Variants in BTN3A2 observed in about 807,000 individuals in gnomAD.
The protein encoded by BTN3A2 is butyrophilin subfamily 3 member A2.
Under a neutral mutation model 37.6 loss-of-function variants are expected in BTN3A2, and 25 were observed. The ratio of observed to expected loss-of-function variants is 0.66; its 90% confidence interval spans 0.48 to 0.93. The LOEUF (loss-of-function observed/expected upper bound fraction) is 0.93, where lower values mean the gene tolerates loss of function less well. Ranked by LOEUF, BTN3A2 falls within the 40% of genes least tolerant of loss-of-function variation. The pLI, the probability that BTN3A2 is intolerant of heterozygous loss-of-function variation, is 0.00. For synonymous variants in BTN3A2, 122 were observed against 159.4 expected (o/e 0.77, Z 1.77); for missense variants, 266 against 410.9 (o/e 0.65, Z 3.05).
intron 5 of BTN3A2, 153 bp from the exon 6 acceptor site, chr6:26,372,744 G>T (rs1561806438): frequency 5.8e-6 from 5 of 855,774 alleles, no homozygotes; most frequent in African/African-American, 5.1e-5. Context: ...CTTATCTATA[G>T]TCCTCTGAGA....
chr6:26,365,429 T>C, intron 1 of BTN3A2, 77 bp downstream of exon 1: 3 of 1,494,484 alleles, frequency 2.0e-6, no homozygotes, highest in Non-Finnish European at 2.7e-6. Context: ...GAGTGGTGAG[T>C]GGGCATGCAG....
chr6:26,376,600 C>A lies in BTN3A2; in HGVS notation c.*838C>A. ...GATGTAATTCTGTATCCAGACATGG[C>A]AAATGCCATCCTCCTTGTTTCTGAG... On this transcript the variant is annotated 3_prime_UTR_variant, in exon 11 of 11. Coordinates refer to ENST00000377708, the MANE Select transcript of BTN3A2 (RefSeq NM_007047.5). 6.9e-7 allele frequency: 1 copy of A among 1,441,250 alleles called. No homozygotes were observed. The highest frequency in any genetic ancestry group is 9.6e-7 in the Non-Finnish European group (1 of 1,045,312). The allele number at this position is 1,441,250 out of a possible 1,614,324, so 89.3% of individuals were successfully genotyped here.
intron 5 of BTN3A2, among the ~76,000 whole-genome samples, chr6:26,372,456 C>A (rs1760209167): frequency 6.6e-6 from 1 of 152,100 alleles, no homozygotes; most frequent in African/African-American, 2.4e-5. Context: ...CATGGGGGAG[C>A]CAGCATTGAA....
At position 26,370,341 on chromosome 6, in the gene BTN3A2, C is replaced by T. The variant is rs146687855; in HGVS notation, c.453C>T (p.His151=). ...LKVAALGSNL[H]VEVKGYEDGG... is the part of the protein sequence containing the mutation. ...CCACAGCACTGGGTTCTAATCTTCA[C>T]GTCGAAGTGAAGGGTTATGAGGATG... The change falls in exon 5 of 11, where the codon CAC becomes CAT. Residue 151 remains histidine, a synonymous_variant. Transcript: ENST00000377708. The T allele has an allele frequency of 1.7e-5, 28 of 1,614,002 alleles. No homozygotes were observed. The highest frequency in any genetic ancestry group is 4.0e-5 in the African/African-American group (3 of 74,894).
At chr6:26,369,438 G>C (rs1184277654) in intron 4 of BTN3A2, among the ~76,000 whole-genome samples, 1 of 152,208 alleles carries the variant, frequency 6.6e-6, no homozygotes, top group Non-Finnish European at 1.5e-5. Flanking sequence ...GTAAGAAGGT[G>C]TTAGAGCAGA....
In BTN3A2 at chr6:26,376,841, C is replaced by T. The variant is rs111568057; in HGVS notation, c.*1079C>T. On this transcript the variant is annotated 3_prime_UTR_variant, in exon 11 of 11. Coordinates refer to ENST00000377708, the MANE Select transcript of BTN3A2 (RefSeq NM_007047.5). ...TTTGGGTCAAAATGACACCGGAGAACGGATACTGGACTATGGGCCTGACTG... is the reference window on the plus strand; with the variant it reads ...TTTGGGTCAAAATGACACCGGAGAATGGATACTGGACTATGGGCCTGACTG... 32,571 of 1,613,802 alleles carry T rather than the reference C, an allele frequency of 0.02. 416 individuals are homozygous for T. The highest frequency in any genetic ancestry group is 0.023 in the Non-Finnish European group (27,577 of 1,179,812).
At chr6:26,365,426 G>T in intron 1 of BTN3A2, 74 bp downstream of exon 1, 1 of 1,500,440 alleles carries the variant, frequency 6.7e-7, no homozygotes, top group South Asian at 1.2e-5. Context: ...TGAGAGTGGT[G>T]AGTGGGCATG....
Position 26,365,199 on chromosome 6 carries a change from A to T in BTN3A2, c.-220A>T. 9.1e-7 allele frequency: 1 copy of T among 1,098,444 alleles called. No individual in the cohort carries two copies. The highest frequency in any genetic ancestry group is 2.4e-5 in the Admixed American group (1 of 42,170). The allele number at this position is 1,098,444 out of a possible 1,614,324, so 68.0% of individuals were successfully genotyped here. On this transcript the variant is annotated 5_prime_UTR_variant, in exon 1 of 11. Transcript: ENST00000377708. ...AAAAAACTAATTCTTCCAAAGAGCG[A>T]CTCTTACTGTTTCTCATGGTGAGAA...
intron 10 of BTN3A2, 97 bp from the exon 11 acceptor site, chr6:26,375,700 G>A: frequency 6.5e-7 from 1 of 1,534,174 alleles, no homozygotes. Context: ...CTATCAGGAA[G>A]ATGAGGAGCT....
At chr6:26,367,057 T>A (rs999792587) in intron 1 of BTN3A2, among the ~76,000 whole-genome samples, 10 of 152,240 alleles carry the variant, frequency 6.6e-5, no homozygotes, top group Non-Finnish European at 1.2e-4. Context: ...TTTCAGGCAT[T>A]TACATATATA....
chr6:26,370,354 G>T lies in BTN3A2; in HGVS notation c.466G>T (p.Gly156Cys), dbSNP rs772651006. Residue 156 changes from glycine (G) to cysteine (C), a missense_variant, in exon 5 of 11, where the codon GGT becomes TGT. Gly to Cys is a radical substitution (Grantham distance 159). This residue lies in a region of BTN3A2 where 204 missense variants were observed against 232.6 expected (regional missense o/e 0.88). Coordinates refer to ENST00000377708, the MANE Select transcript of BTN3A2 (RefSeq NM_007047.5). ...TTCTAATCTTCACGTCGAAGTGAAGGGTTATGAGGATGGAGGGATCCATCT... is the reference window on the plus strand; with the variant it reads ...TTCTAATCTTCACGTCGAAGTGAAGTGTTATGAGGATGGAGGGATCCATCT... Reference protein sequence around the residue: ...LGSNLHVEVKGYEDGGIHLEC... With the variant: ...LGSNLHVEVKCYEDGGIHLEC... The T allele has an allele frequency of 6.2e-7, 1 of 1,614,178 alleles. No individual in the cohort carries two copies. Among genetic ancestry groups the T allele is most frequent in the Non-Finnish European group, 8.5e-7 (1 of 1,180,022 alleles).
chr6:26,370,974 A>G (rs1250477118), intron 5 of BTN3A2, among the ~76,000 whole-genome samples: 3 of 152,150 alleles, frequency 2.0e-5, no homozygotes, highest in Admixed American at 1.3e-4. Context: ...AAACCTAGTA[A>G]AAAGTTTTGG....
rs1360979147 is a variant in BTN3A2, at chr6:26,377,910, G to T, written c.*2148G>T. 1 of 152,688 alleles carries T rather than the reference G, an allele frequency of 6.5e-6. No homozygotes were observed. The highest frequency in any genetic ancestry group is 1.5e-5 in the Non-Finnish European group (1 of 68,428). The allele number at this position is 152,688 out of a possible 1,614,324, so 9.5% of individuals were successfully genotyped here. Reference sequence around the variant, plus strand: ...CAGTTCCCACAGGGCATGTGACTTTGAAAGAGACTAGAGGCCACACTCAGT... The same window carrying T: ...CAGTTCCCACAGGGCATGTGACTTTTAAAGAGACTAGAGGCCACACTCAGT... On this transcript the variant is annotated 3_prime_UTR_variant, in exon 11 of 11. Coordinates refer to ENST00000377708, the MANE Select transcript of BTN3A2 (RefSeq NM_007047.5).
chr6:26,374,622 C>G, intron 9 of BTN3A2, 149 bp from the exon 10 acceptor site: 1 of 998,590 alleles, frequency 1.0e-6, no homozygotes. Context: ...AAGGTGCCAC[C>G]TCTGATCCAT....
intron 10 of BTN3A2, 60 bp downstream of exon 10, chr6:26,374,858 C>T (rs1351726484): frequency 4.8e-6 from 7 of 1,451,942 alleles, no homozygotes; most frequent in Non-Finnish European, 6.6e-6. Flanking sequence ...TTCCTTTTTC[C>T]TTTTTTCTTC....
intron 5 of BTN3A2, 48 bp from the exon 6 acceptor site, chr6:26,372,849 G>A (rs1283179901): frequency 6.2e-7 from 1 of 1,608,014 alleles, no homozygotes; most frequent in Admixed American, 1.7e-5. Flanking sequence ...GCAGGCTGGG[G>A]AGGCTGAGCG....
chr6:26,373,237 CTTTTTTTTTTTT>C (rs750198408), intron 6 of BTN3A2, 27 bp from the exon 7 acceptor site: 248 of 1,352,834 alleles, frequency 1.8e-4, no homozygotes, highest in South Asian at 2.9e-4. Flanking sequence ...AACAGTTCAT[CTTTTTTTTTTTT>C]TTTTTTTTTT....
Position 26,365,264 on chromosome 6 carries a change from G to C in BTN3A2, c.-155G>C, listed in dbSNP as rs1761936378. 11 of 1,504,340 alleles carry C rather than the reference G, an allele frequency of 7.3e-6. No individual in the cohort carries two copies. The highest frequency in any genetic ancestry group is 9.8e-6 in the Non-Finnish European group (11 of 1,119,076). The allele number at this position is 1,504,340 out of a possible 1,614,324, so 93.2% of individuals were successfully genotyped here. On this transcript the variant is annotated 5_prime_UTR_variant, in exon 1 of 11. Transcript: ENST00000377708. ...TCTCTTTTTCCTTTCTTCCGGATGA[G>C]AGGCTAAGCCATAATAGAAAGAATG... is the stretch of plus-strand genomic sequence containing the variant.
rs766426965 is a variant in BTN3A2 at position 26,373,032 on chromosome 6, T to C, written c.851T>C (p.Ile284Thr). The C allele has an allele frequency of 2.0e-5, 33 of 1,614,024 alleles. No individual in the cohort carries two copies. The highest frequency in any genetic ancestry group is 2.5e-5 in the Non-Finnish European group (30 of 1,180,020). ...QKEITALSSE[I>T]ESEQEMKEMG... ...GAAATAACTGCTCTGTCCAGTGAGA[T>C]AGAAAGTGAGCAAGAGATGAAAGAA... Residue 284 changes from isoleucine (I) to threonine (T), a missense_variant, in exon 6 of 11, where the codon ATA becomes ACA. Ile to Thr is a moderately conservative substitution (Grantham distance 89). Around this residue, in one of 3 missense-constraint regions of BTN3A2, gnomAD observed 204 missense variants for 232.6 expected, o/e 0.88. Transcript: ENST00000377708.
Sources: allele counts gnomAD v4.1 joint callset (sites outside exome capture counted in the v4.1 genomes callset), GRCh38; gene constraint gnomAD v4.1.1; regional missense constraint gnomAD v4.1.1; transcripts MANE v1.5; gene names NCBI Gene and HGNC (gene_info 2026-07-23, HGNC 2026-07-21).